LMNTD1: variants seen among roughly 807,000 people sequenced by gnomAD.
LMNTD1 encodes lamin tail domain-containing protein 1.
Under a neutral mutation model 50.9 loss-of-function variants are expected in LMNTD1, and 35 were observed. The observed-to-expected ratio is 0.69, with a 90% CI of 0.53 to 0.91. The LOEUF (loss-of-function observed/expected upper bound fraction) is 0.91, where lower values mean the gene tolerates loss of function less well. Among genes scored for constraint, LMNTD1 ranks in the 40% least tolerant of loss-of-function variants. The pLI, the probability that LMNTD1 is intolerant of heterozygous loss-of-function variation, is 0.00. For synonymous variants in LMNTD1, 153 were observed against 161.9 expected (o/e 0.94, Z 0.42); for missense variants, 470 against 475.5 (o/e 0.99, Z 0.11).
In LMNTD1 at chr12:25,552,868, C is replaced by T. The variant is rs1943849272; in HGVS notation, c.89+3G>A. ...TGCTTCCATCGCATCTATGCATGCTCACTGTTTTTGTTTCTCATTCTTATC... is the reference window on the plus strand; with the variant it reads ...TGCTTCCATCGCATCTATGCATGCTTACTGTTTTTGTTTCTCATTCTTATC... On this transcript the variant is annotated splice_donor_region_variant and intron_variant, in intron 2 of 9. Transcript: ENST00000458174. 4.6e-6 allele frequency: 7 copies of T among 1,512,756 alleles called. No individual in the cohort carries two copies. The highest frequency in any genetic ancestry group is 5.4e-6 in the Non-Finnish European group (6 of 1,111,614). The allele number at this position is 1,512,756 out of a possible 1,614,324, so 93.7% of individuals were successfully genotyped here. A position where few individuals can be genotyped will look rare whatever the true frequency, so the allele number is the denominator to read the frequency against.
intron 1 of LMNTD1, among the ~76,000 whole-genome samples, chr12:25,577,927 G>T (rs1945103844): frequency 6.6e-6 from 1 of 152,112 alleles, no homozygotes; most frequent in South Asian, 2.1e-4. Flanking sequence ...TATGGGGTTG[G>T]TAGCAGGTGG....
At chr12:25,493,171 G>T (rs1052640701) in intron 9 of LMNTD1, among the ~76,000 whole-genome samples, 3 of 151,950 alleles carry the variant, frequency 2.0e-5, no homozygotes, top group Non-Finnish European at 4.4e-5. Context: ...CTTTCCCACT[G>T]GTCTATGACT....
At chr12:25,566,284 T>A (rs1431259513) in intron 1 of LMNTD1, among the ~76,000 whole-genome samples, 1 of 152,192 alleles carries the variant, frequency 6.6e-6, no homozygotes, top group Non-Finnish European at 1.5e-5. Flanking sequence ...CATAGTTTTT[T>A]ATTCTTTTTT....
chr12:25,521,945 C>T (rs940068760), intron 6 of LMNTD1, among the ~76,000 whole-genome samples: 1 of 152,198 alleles, frequency 6.6e-6, no homozygotes, highest in South Asian at 2.1e-4. Context: ...CCTGTATAGA[C>T]ACTAACAGTT....
Position 25,526,908 on chromosome 12 carries a change from A to G in LMNTD1, c.539T>C (p.Phe180Ser), listed in dbSNP as rs1941762799. 6.2e-7 allele frequency: 1 copy of G among 1,612,084 alleles called. No individual in the cohort carries two copies. Among genetic ancestry groups the G allele is most frequent in the Non-Finnish European group, 8.5e-7 (1 of 1,179,156 alleles). ...AAGGGAAGAGTTAATGAGCTTCACG[A>G]ACAAACCCTTGACATTCACTTCAGC... ...EIAEVNVKGL[F>S]VKLINSSLDK... Residue 180 changes from phenylalanine to serine, a missense_variant, in exon 5 of 10, where the codon TTC (phenylalanine) becomes TCC (serine). Coordinates refer to ENST00000458174, the MANE Select transcript of LMNTD1 (RefSeq NM_001145728.2).
chr12:25,604,275 A>G (rs919513761), intron 1 of LMNTD1, among the ~76,000 whole-genome samples: 1 of 152,268 alleles, frequency 6.6e-6, no homozygotes, highest in East Asian at 1.9e-4. Flanking sequence ...CCTTTTCCAA[A>G]GGACAATTAC....
chr12:25,477,793 GGA>G (rs1938318602), intron 9 of LMNTD1, among the ~76,000 whole-genome samples: 1 of 151,782 alleles, frequency 6.6e-6, no homozygotes, highest in Non-Finnish European at 1.5e-5. Flanking sequence ...ATATATGCAG[GGA>G]TTTGGAAGCA....
intron 9 of LMNTD1, among the ~76,000 whole-genome samples, chr12:25,496,780 A>G (rs1401318963): frequency 6.6e-6 from 1 of 152,116 alleles, no homozygotes; most frequent in Non-Finnish European, 1.5e-5. Flanking sequence ...TACATTCACA[A>G]TGTTGTGCAA....
intron 9 of LMNTD1, among the ~76,000 whole-genome samples, chr12:25,477,499 A>C (rs1056023724): frequency 2.6e-5 from 4 of 152,170 alleles, no homozygotes; most frequent in African/African-American, 9.7e-5. Flanking sequence ...AGGAAGAAAA[A>C]TTGAAAGGTA....
intron 1 of LMNTD1, among the ~76,000 whole-genome samples, chr12:25,598,664 G>T (rs1025941380): frequency 1.3e-5 from 2 of 150,704 alleles, no homozygotes; most frequent in African/African-American, 4.9e-5. Flanking sequence ...TGAAAAAGGA[G>T]ACATTACAAT....
chr12:25,573,968 G>A (rs986536983), intron 1 of LMNTD1, among the ~76,000 whole-genome samples: 1 of 152,072 alleles, frequency 6.6e-6, no homozygotes, highest in Non-Finnish European at 1.5e-5. Context: ...ACCTACCACT[G>A]TTGATTATTA....
Position 25,608,778 on chromosome 12 carries a change from T to C in LMNTD1, c.58+39716A>G, listed in dbSNP as rs1946178018. On this transcript the variant is annotated intron_variant, in intron 1 of 7. Coordinates refer to the LMNTD1 transcript ENST00000445693. ...ATTTTTTCCTTCATTTCAACCTTGG[T>C]GAATCTAACAATTATGTGTCTTGGG... Among the ~76,000 whole-genome samples the C allele has an allele frequency of 2.6e-5, 4 of 152,326 alleles. No homozygotes were observed. The South Asian group carries it at 8.3e-4, about 32-fold the overall frequency.
At chr12:25,563,473 G>A (rs1331957375) in intron 1 of LMNTD1, among the ~76,000 whole-genome samples, 5 of 152,172 alleles carry the variant, frequency 3.3e-5, no homozygotes, top group Admixed American at 6.5e-5. Context: ...ATTGCAGAAC[G>A]GCAGATGTTG....
At position 25,600,221 on chromosome 12, in the gene LMNTD1, G is replaced by T. The variant is rs138706410; in HGVS notation, c.58+48273C>A. Among the ~76,000 whole-genome samples the T allele has an allele frequency of 5.0e-3, 756 of 152,100 alleles. 9 individuals carry two copies. The highest frequency in any genetic ancestry group is 0.018 in the African/African-American group (732 of 41,528). ...GAAAAGACAGTCTCTTCAATAAATT[G>T]TGCTGGGAAAACTGGATATTCCTAT... On this transcript the variant is annotated intron_variant, in intron 1 of 7. Coordinates refer to the LMNTD1 transcript ENST00000445693.
chr12:25,581,549 A>G (rs1179724876), intron 1 of LMNTD1, among the ~76,000 whole-genome samples: 1 of 151,006 alleles, frequency 6.6e-6, no homozygotes, highest in Non-Finnish European at 1.5e-5. Context: ...TTTTGATTAA[A>G]CTTTATCATC....
At chr12:25,494,950 T>C (rs1244921594) in intron 9 of LMNTD1, among the ~76,000 whole-genome samples, 1 of 152,170 alleles carries the variant, frequency 6.6e-6, no homozygotes, top group Admixed American at 6.5e-5. Flanking sequence ...AACTTGTTCA[T>C]CCTGTTTAAC....
At chr12:25,528,040 T>A (rs1941941933) in intron 4 of LMNTD1, among the ~76,000 whole-genome samples, 1 of 152,026 alleles carries the variant, frequency 6.6e-6, no homozygotes, top group Non-Finnish European at 1.5e-5. Flanking sequence ...AAAATTTCCT[T>A]TCCTAAAATT....
chr12:25,643,670 A>G (rs1946997179), intron 1 of LMNTD1, among the ~76,000 whole-genome samples: 1 of 152,192 alleles, frequency 6.6e-6, no homozygotes, highest in Non-Finnish European at 1.5e-5. Context: ...CACTTGGATG[A>G]CCAGTCACCC....
chr12:25,635,241 A>AG (rs1251486445), intron 1 of LMNTD1, among the ~76,000 whole-genome samples: 2 of 14,836 alleles, frequency 1.3e-4, no homozygotes, highest in African/African-American at 2.3e-4. Flanking sequence ...ACTCTGTCTC[A>AG]AAAAAAAAAA....
Sources: allele counts gnomAD v4.1 joint callset (sites outside exome capture counted in the v4.1 genomes callset), GRCh38; gene constraint gnomAD v4.1.1; transcripts MANE v1.5; gene names NCBI Gene and HGNC (gene_info 2026-07-23, HGNC 2026-07-21).